The following CPNE4 variants were observed in gnomAD, a reference collection of about 807,000 sequenced individuals.
CPNE4 encodes copine 4.
Under a neutral mutation model 67.9 loss-of-function variants are expected in CPNE4, and 25 were observed. The ratio of observed to expected loss-of-function variants is 0.37; its 90% CI spans 0.27 to 0.51. CPNE4 has a LOEUF of 0.51. Among genes scored for constraint, CPNE4 ranks in the 20% least tolerant of loss-of-function variants. CPNE4 has a pLI of 0.93. For missense variants in CPNE4, 464 were observed against 690.8 expected (o/e 0.67, Z 3.68); for synonymous variants, 242 against 244.9 (o/e 0.99, Z 0.11).
upstream of CPNE4, chr3:132,037,645 T>C (rs1254886916): frequency 1.4e-5 from 21 of 1,529,784 alleles, no homozygotes; most frequent in Non-Finnish European, 1.8e-5. Flanking sequence ...ACAAAGTCAC[T>C]GTGGCCCTGG....
intron 7 of CPNE4, among the ~76,000 whole-genome samples, chr3:131,664,880 T>A (rs1024362223): frequency 5.3e-5 from 8 of 152,342 alleles, no homozygotes; most frequent in East Asian, 1.9e-4. Flanking sequence ...AGTAGTAGTG[T>A]AATGCCTTTA....
intron 1 of CPNE4, among the ~76,000 whole-genome samples, chr3:132,021,732 C>A (rs1457543756): frequency 6.6e-6 from 1 of 152,138 alleles, no homozygotes; most frequent in African/African-American, 2.4e-5. Context: ...TTGCCTTAAT[C>A]AGATCTTAAT....
rs763312547 is a variant in CPNE4, at chr3:131,993,472, C to CAAAAAAAG, written c.-2+41094_-2+41095insCTTTTTTT. On this transcript the variant is annotated intron_variant, in intron 1 of 15. Coordinates refer to ENST00000429747, the MANE Select transcript of CPNE4 (RefSeq NM_130808.3). ...ACCCTGATTTCGTGTGCAGGAGTGG[C>CAAAAAAAG]AAAAAAAAAAAAAAAAAGCATAGCT... Among the ~76,000 whole-genome samples the CAAAAAAAG allele has an allele frequency of 6.7e-3, 407 of 60,460 alleles. 33 individuals carry two copies. The highest frequency in any genetic ancestry group is 0.021 in the African/African-American group (392 of 18,306). The allele number at this position is 60,460 out of a possible 152,430, so 39.7% of individuals were successfully genotyped here.
chr3:131,871,626 T>A (rs535329374), intron 2 of CPNE4, among the ~76,000 whole-genome samples: 1 of 152,264 alleles, frequency 6.6e-6, no homozygotes, highest in South Asian at 2.1e-4. Context: ...CAAAATAACA[T>A]ACCCTCATTT....
chr3:131,801,448 G>GTATATATATATA (rs1468625662), intron 2 of CPNE4, among the ~76,000 whole-genome samples: 23 of 59,812 alleles, frequency 3.8e-4, no homozygotes, highest in African/African-American at 1.5e-3. Flanking sequence ...GTGTGTGTGT[G>GTATATATATATA]TGTGTATATA....
intron 3 of CPNE4, among the ~76,000 whole-genome samples, chr3:131,719,531 C>T (rs748194771): frequency 6.6e-6 from 1 of 152,184 alleles, no homozygotes; most frequent in Non-Finnish European, 1.5e-5. Flanking sequence ...CCCTAGTTTC[C>T]CTTTGTTCAC....
rs369896508 is a variant in CPNE4 at position 131,986,830 on chromosome 3, C to CAA, written c.-2+47735_-2+47736dup. 3.2e-3 allele frequency among the ~76,000 whole-genome samples: 280 copies of CAA among 87,154 alleles called. 10 individuals are homozygous for CAA. In the South Asian group the frequency reaches 0.055, roughly 17 times the overall value. The allele number at this position is 87,154 out of a possible 152,430, so 57.2% of individuals were successfully genotyped here. ...TGGGCGACAGAGCGAGACTCGGTCT[C>CAA]AAAAAAAAAAAACAAAAAAAAACAA... On this transcript the variant is annotated intron_variant, in intron 1 of 15. Coordinates refer to ENST00000429747, the MANE Select transcript of CPNE4 (RefSeq NM_130808.3).
intron 1 of CPNE4, among the ~76,000 whole-genome samples, chr3:131,973,300 C>T (rs2072552078): frequency 6.6e-6 from 1 of 152,130 alleles, no homozygotes; most frequent in African/African-American, 2.4e-5. Context: ...TACCAAGCCT[C>T]TGTTCTATGG....
chr3:131,974,652 A>G (rs75477130), intron 1 of CPNE4, among the ~76,000 whole-genome samples: 2 of 152,302 alleles, frequency 1.3e-5, no homozygotes, highest in East Asian at 3.9e-4. Context: ...CTCTGTGAAC[A>G]GGGCCAAGCC....
At chr3:131,710,106 G>A (rs1279827276) in intron 3 of CPNE4, among the ~76,000 whole-genome samples, 1 of 152,182 alleles carries the variant, frequency 6.6e-6, no homozygotes, top group African/African-American at 2.4e-5. Flanking sequence ...CCAATAAGTG[G>A]ATAAAGAATC....
chr3:131,956,039 C>T (rs2071959204), intron 1 of CPNE4, among the ~76,000 whole-genome samples: 1 of 152,118 alleles, frequency 6.6e-6, no homozygotes, highest in Non-Finnish European at 1.5e-5. Flanking sequence ...GATATTGATA[C>T]ACAAATCCAT....
chr3:131,901,460 T>C (rs2088548384), intron 2 of CPNE4, among the ~76,000 whole-genome samples: 1 of 152,098 alleles, frequency 6.6e-6, no homozygotes, highest in Admixed American at 6.6e-5. Flanking sequence ...GTTTGTAATG[T>C]ATTTCAAAGT....
At chr3:131,858,715 T>C (rs188610461) in intron 2 of CPNE4, among the ~76,000 whole-genome samples, 2 of 152,284 alleles carry the variant, frequency 1.3e-5, no homozygotes, top group African/African-American at 4.8e-5. Flanking sequence ...AACCATTACA[T>C]AGTGGCTACA....
chr3:131,710,416 C>T (rs1421602548), intron 3 of CPNE4, among the ~76,000 whole-genome samples: 1 of 152,002 alleles, frequency 6.6e-6, no homozygotes, highest in Non-Finnish European at 1.5e-5. Context: ...AATTTATCAA[C>T]TTGTGAGGAA....
intron 6 of CPNE4, among the ~76,000 whole-genome samples, chr3:131,674,197 G>A (rs2080500305): frequency 6.6e-6 from 1 of 151,932 alleles, no homozygotes; most frequent in Non-Finnish European, 1.5e-5. Context: ...TTTTTCATGT[G>A]TTGTTGAATT....
chr3:131,853,776 A>T (rs940970291), intron 2 of CPNE4, among the ~76,000 whole-genome samples: 3 of 151,902 alleles, frequency 2.0e-5, no homozygotes, highest in African/African-American at 7.2e-5. Flanking sequence ...ATAGTAACCG[A>T]TAAGTACATA....
At chr3:131,735,160 A>C (rs1231452342) in intron 2 of CPNE4, among the ~76,000 whole-genome samples, 1 of 152,194 alleles carries the variant, frequency 6.6e-6, no homozygotes. Context: ...CATCTGAAAC[A>C]AAATTCTAAA....
chr3:131,649,814 A>C (rs1017907562), intron 7 of CPNE4, among the ~76,000 whole-genome samples: 4 of 152,250 alleles, frequency 2.6e-5, no homozygotes, highest in Non-Finnish European at 5.9e-5. Flanking sequence ...ATAATTTACC[A>C]CACAATAATG....
chr3:131,715,037 C>T (rs1273444443), intron 3 of CPNE4, among the ~76,000 whole-genome samples: 2 of 152,134 alleles, frequency 1.3e-5, no homozygotes, highest in African/African-American at 4.8e-5. Flanking sequence ...TAACTGTCTC[C>T]AAACCACTGA....
Sources: gnomAD v4.1 joint callset for allele counts (sites outside exome capture counted in the v4.1 genomes callset) on GRCh38, gnomAD v4.1.1 for gene constraint, MANE v1.5 for transcripts, NCBI Gene and HGNC (gene_info 2026-07-23, HGNC 2026-07-21) for gene names.